Variants in FOSL2 observed in about 807,000 individuals in gnomAD.
FOSL2 encodes fos-related antigen 2.
FOSL2 carries 3 observed loss-of-function variants against 27.7 expected under a neutral mutation model. The ratio of observed to expected loss-of-function variants is 0.11; its 90% confidence interval spans 0.05 to 0.28. The LOEUF is 0.28. FOSL2 is among the 10% of genes least tolerant of loss of function. The pLI is 1.00. For missense variants in FOSL2, 333 were observed against 445.1 expected (o/e 0.75, Z 2.27); for synonymous variants, 179 against 190.1 (o/e 0.94, Z 0.48).
chr2:28,404,406 C>G lies in FOSL2; in HGVS notation c.354+48C>G. 1 of 1,575,488 alleles carries G rather than the reference C, an allele frequency of 6.3e-7. No homozygotes were observed. Reference sequence around the variant, plus strand: ...GGAGCCACGTCAGTGGCTTTCAGAGCCCCAGAAACACAGAACGGGTTTCTG... The same window carrying G: ...GGAGCCACGTCAGTGGCTTTCAGAGGCCCAGAAACACAGAACGGGTTTCTG... On this transcript the variant is annotated intron_variant, in intron 2 of 3. Transcript: ENST00000264716. This position sits in a 1 kb window ranked among gnomAD's most constrained non-coding sequence, Gnocchi z 4.7.
intron 1 of FOSL2, among the ~76,000 whole-genome samples, chr2:28,396,319 A>G (rs576196971): frequency 6.6e-6 from 1 of 152,106 alleles, no homozygotes; most frequent in Admixed American, 6.5e-5. Context: ...TCTTTGTTAC[A>G]GCCTCTGTTC....
intron 1 of FOSL2, among the ~76,000 whole-genome samples, chr2:28,400,663 G>A (rs1391674874): frequency 1.3e-5 from 2 of 152,152 alleles, no homozygotes; most frequent in African/African-American, 2.4e-5. Flanking sequence ...GTGTACATGC[G>A]TTTCAGAGGC....
At position 28,393,446 on chromosome 2, in the gene FOSL2, C is replaced by T. The variant is rs746049285; in HGVS notation, c.-275C>T. 1 of 413,230 alleles carries T rather than the reference C, an allele frequency of 2.4e-6. No individual in the cohort carries two copies. The allele number at this position is 413,230 out of a possible 1,614,324, so 25.6% of individuals were successfully genotyped here. On this transcript the variant is annotated 5_prime_UTR_variant, in exon 1 of 4. Transcript: ENST00000264716. This position sits in a 1 kb window ranked among gnomAD's most constrained non-coding sequence, Gnocchi z 4.6. ...GCAGGGGAGGGACCGAGAGACGCGC[C>T]GACTTTTTAGAGGGAGGGATCGGGT...
chr2:28,401,292 G>T (rs577540033), intron 1 of FOSL2, among the ~76,000 whole-genome samples: 2 of 151,916 alleles, frequency 1.3e-5, no homozygotes, highest in East Asian at 1.9e-4. Context: ...TATTTTAGAG[G>T]TCTAATGGCG....
At chr2:28,403,465 G>C (rs1664015070) in intron 1 of FOSL2, among the ~76,000 whole-genome samples, 1 of 152,130 alleles carries the variant, frequency 6.6e-6, no homozygotes, top group Non-Finnish European at 1.5e-5. Context: ...GAAGGGAGGA[G>C]GGACAAGGAC....
Position 28,404,488 on chromosome 2 carries a change from A to C in FOSL2, c.354+130A>C. The C allele has an allele frequency of 8.6e-7, 1 of 1,157,768 alleles. No homozygotes were observed. Among genetic ancestry groups the C allele is most frequent in the Non-Finnish European group, 1.2e-6 (1 of 827,680 alleles). 71.7% of individuals were successfully genotyped at this position (1,157,768 alleles called of 1,614,324 possible). ...GGGAGACAAGGGAGCTAGGGGTCGA[A>C]GAGCACGTCATCCCCCTTACTGGAG... On this transcript the variant is annotated intron_variant, in intron 2 of 3. Transcript: ENST00000264716. The surrounding 1 kb of genome is among the most constrained non-coding windows in gnomAD (Gnocchi z 4.7).
chr2:28,393,358 A>G lies in FOSL2; in HGVS notation c.-363A>G, dbSNP rs2148073036. On this transcript the variant is annotated 5_prime_UTR_variant, in exon 1 of 4. Coordinates refer to ENST00000264716, the MANE Select transcript of FOSL2 (RefSeq NM_005253.4). This position sits in a 1 kb window ranked among gnomAD's most constrained non-coding sequence, Gnocchi z 4.6. ...CTCCTAATCTTTTTTTTAATTTCCA[A>G]TTTTTGATTGGGCCGTGGGTCCCCG... 1 of 237,214 alleles carries G rather than the reference A, an allele frequency of 4.2e-6. No homozygotes were observed. Among genetic ancestry groups the G allele is most frequent in the East Asian group, 1.1e-4 (1 of 9,092 alleles). 14.7% of individuals were successfully genotyped at this position (237,214 alleles called of 1,614,324 possible).
rs1664042476 is a variant in FOSL2 at position 28,404,678 on chromosome 2, T to A, written c.354+320T>A. On this transcript the variant is annotated intron_variant, in intron 2 of 3. Coordinates refer to ENST00000264716, the MANE Select transcript of FOSL2 (RefSeq NM_005253.4). This position sits in a 1 kb window ranked among gnomAD's most constrained non-coding sequence, Gnocchi z 4.7. The stretch of plus-strand genomic sequence containing the variant: ...CCATTACGACCTGCCCACAGCAGGA[T>A]CCTTCTCTGATCCTTGGCAAAAGGG... 6.6e-6 allele frequency among the ~76,000 whole-genome samples: 1 copy of A among 152,186 alleles called. No homozygotes were observed. Among genetic ancestry groups the A allele is most frequent in the African/African-American group, 2.4e-5 (1 of 41,430 alleles).
chr2:28,414,700 G>T lies in FOSL2; in HGVS notation c.*2252G>T, dbSNP rs1664279198. On this transcript the variant is annotated 3_prime_UTR_variant, in exon 4 of 4. Coordinates refer to ENST00000264716, the MANE Select transcript of FOSL2 (RefSeq NM_005253.4). ...AAAGCCCCCTTATACCCCACTTTGT[G>T]CAGCAAAGATCCCCGTGCAGGTCAC... 1 of 152,158 alleles carries T rather than the reference G, an allele frequency of 6.6e-6. No homozygotes were observed. The highest frequency in any genetic ancestry group is 6.5e-5 in the Admixed American group (1 of 15,270). The allele number at this position is 152,158 out of a possible 1,614,324, so 9.4% of individuals were successfully genotyped here.
In FOSL2 at chr2:28,408,925, G is replaced by C. The variant is rs1664137813; in HGVS notation, c.462+59G>C. On this transcript the variant is annotated intron_variant, in intron 3 of 3. Coordinates refer to ENST00000264716, the MANE Select transcript of FOSL2 (RefSeq NM_005253.4). The surrounding 1 kb of genome is among the most constrained non-coding windows in gnomAD (Gnocchi z 4.1). The stretch of plus-strand genomic sequence containing the variant: ...GGGTGGGCTGGAGTGAGAGCCCCGG[G>C]GGTCCTGATCCTCTCTCCCACAGCT... 15 of 1,206,950 alleles carry C rather than the reference G, an allele frequency of 1.2e-5. No homozygotes were observed. The South Asian group carries it at 1.9e-4, about 15-fold the overall frequency. 74.8% of individuals were successfully genotyped at this position (1,206,950 alleles called of 1,614,324 possible).
intron 2 of FOSL2, among the ~76,000 whole-genome samples, chr2:28,405,063 T>C (rs1036536691): frequency 6.6e-6 from 1 of 151,690 alleles, no homozygotes; most frequent in Non-Finnish European, 1.5e-5. Flanking sequence ...AGCCAGAAAA[T>C]GGGGAAGGGG....
At chr2:28,411,311 G>A (rs1481015998) in intron 3 of FOSL2, among the ~76,000 whole-genome samples, 1 of 152,190 alleles carries the variant, frequency 6.6e-6, no homozygotes, top group Non-Finnish European at 1.5e-5. Context: ...TAGCAGCCTA[G>A]GGCTTAGCGT....
intron 1 of FOSL2, among the ~76,000 whole-genome samples, chr2:28,398,578 G>A (rs1572485634): frequency 6.6e-6 from 1 of 152,244 alleles, no homozygotes; most frequent in Admixed American, 6.5e-5. Flanking sequence ...GAGCCTGGAC[G>A]AGGGCTAAGG....
chr2:28,393,302 TC>T lies in FOSL2; in HGVS notation c.-415del. ...TTTTGGCCCTGTCTGAAATCGGGGG[TC>T]CCCAGGGCTGGCAGGCCAGGCTCGC... On this transcript the variant is annotated 5_prime_UTR_variant, in exon 1 of 4. Transcript: ENST00000264716. The surrounding 1 kb of genome is among the most constrained non-coding windows in gnomAD (Gnocchi z 4.6). The T allele has an allele frequency of 4.9e-6, 1 of 205,648 alleles. No homozygotes were observed. Among genetic ancestry groups the T allele is most frequent in the Non-Finnish European group, 9.6e-6 (1 of 104,216 alleles). The allele number at this position is 205,648 out of a possible 1,614,324, so 12.7% of individuals were successfully genotyped here.
At chr2:28,407,392 G>T (rs557579524) in intron 2 of FOSL2, among the ~76,000 whole-genome samples, 1 of 152,230 alleles carries the variant, frequency 6.6e-6, no homozygotes, top group East Asian at 1.9e-4. Flanking sequence ...TGTGTGACAG[G>T]CATGGGATTG....
Position 28,414,628 on chromosome 2 carries a change from A to T in FOSL2, c.*2180A>T, listed in dbSNP as rs1368495957. The T allele has an allele frequency of 6.6e-6, 1 of 152,186 alleles. No homozygotes were observed. The highest frequency in any genetic ancestry group is 2.4e-5 in the African/African-American group (1 of 41,452). 9.4% of individuals were successfully genotyped at this position (152,186 alleles called of 1,614,324 possible). Reference sequence around the variant, plus strand: ...GTGGGAGCTATTTTCTTTTTTGTGCATATAGATATTTCTTAAATGAAGCTG... The same window carrying T: ...GTGGGAGCTATTTTCTTTTTTGTGCTTATAGATATTTCTTAAATGAAGCTG... On this transcript the variant is annotated 3_prime_UTR_variant, in exon 4 of 4. Coordinates refer to ENST00000264716, the MANE Select transcript of FOSL2 (RefSeq NM_005253.4).
intron 1 of FOSL2, chr2:28,396,835 C>A (rs991497994): frequency 2.7e-5 from 4 of 150,120 alleles, no homozygotes; most frequent in Admixed American, 2.0e-4. Flanking sequence ...CACACACACA[C>A]ACAAAATTCC....
At chr2:28,402,619 G>T (rs1663995986) in intron 1 of FOSL2, among the ~76,000 whole-genome samples, 2 of 152,198 alleles carry the variant, frequency 1.3e-5, no homozygotes, top group African/African-American at 2.4e-5. Flanking sequence ...TTCCATTCGG[G>T]GCCAGACAGA....
rs1420029234 is a variant in FOSL2 at position 28,393,306 on chromosome 2, C to T, written c.-415C>T. ...GGCCCTGTCTGAAATCGGGGGTCCC[C>T]AGGGCTGGCAGGCCAGGCTCGCTGG... is the stretch of plus-strand genomic sequence containing the variant. On this transcript the variant is annotated 5_prime_UTR_variant, in exon 1 of 4. Transcript: ENST00000264716. This position sits in a 1 kb window ranked among gnomAD's most constrained non-coding sequence, Gnocchi z 4.6. 3 of 216,300 alleles carry T rather than the reference C, an allele frequency of 1.4e-5. No individual in the cohort carries two copies. Among genetic ancestry groups the T allele is most frequent in the African/African-American group, 7.0e-5 (3 of 42,974 alleles). 13.4% of individuals were successfully genotyped at this position (216,300 alleles called of 1,614,324 possible).
Sources: allele counts gnomAD v4.1 joint callset (sites outside exome capture counted in the v4.1 genomes callset), GRCh38; gene constraint gnomAD v4.1.1; non-coding constraint Gnocchi (gnomAD v3.1); transcripts MANE v1.5; gene names NCBI Gene and HGNC (gene_info 2026-07-23, HGNC 2026-07-21).